SWAP70: variants seen among roughly 807,000 people sequenced by gnomAD.
SWAP70 encodes switching B cell complex subunit SWAP70, also known as switch-associated protein 70.
SWAP70 carries 34 observed loss-of-function variants against 80.2 expected under a neutral mutation model. The ratio of observed to expected loss-of-function variants is 0.42; its 90% CI spans 0.32 to 0.56. The LOEUF (loss-of-function observed/expected upper bound fraction) is 0.56, where lower values mean the gene tolerates loss of function less well. Ranked by LOEUF, SWAP70 falls within the 20% of genes least tolerant of loss-of-function variation. The pLI is 0.09. For missense variants in SWAP70, 578 were observed against 690.7 expected, an observed-to-expected ratio of 0.84 and a Z score of 1.83; for synonymous variants, 239 against 238.5, an observed-to-expected ratio of 1.00 and a Z score of -0.02.
At chr11:9,720,943 G>C (rs906533256) in intron 3 of SWAP70, among the ~76,000 whole-genome samples, 1 of 152,094 alleles carries the variant, frequency 6.6e-6, no homozygotes, top group African/African-American at 2.4e-5. Flanking sequence ...AGCCTCCCGA[G>C]TAGCTAGGAT....
intron 1 of SWAP70, among the ~76,000 whole-genome samples, chr11:9,670,766 T>G (rs7483256): frequency 0.53 from 80,608 of 151,548 alleles, 24,109 homozygotes; most frequent in South Asian, 0.69. Flanking sequence ...TTTATTTATT[T>G]TTTCTGAGGC....
At chr11:9,717,413 C>T (rs143431092) in intron 3 of SWAP70, among the ~76,000 whole-genome samples, 114 of 152,176 alleles carry the variant, frequency 7.5e-4, no homozygotes, top group Middle Eastern at 3.4e-3. Flanking sequence ...GCGGGCAGAT[C>T]GCTTGAGCTC....
At chr11:9,734,037 A>T (rs1332222095) in intron 7 of SWAP70, among the ~76,000 whole-genome samples, 1 of 152,134 alleles carries the variant, frequency 6.6e-6, no homozygotes, top group African/African-American at 2.4e-5. Flanking sequence ...TGGAATGTTT[A>T]CATTATATAC....
intron 1 of SWAP70, among the ~76,000 whole-genome samples, chr11:9,683,884 A>C (rs1590016236): frequency 2.0e-5 from 3 of 152,256 alleles, no homozygotes; most frequent in Admixed American, 2.0e-4. Context: ...ATCCATTTAG[A>C]AAAGCAATTT....
At chr11:9,676,527 T>G (rs1850502842) in intron 1 of SWAP70, among the ~76,000 whole-genome samples, 1 of 152,186 alleles carries the variant, frequency 6.6e-6, no homozygotes, top group Non-Finnish European at 1.5e-5. Flanking sequence ...ATACTTTAAA[T>G]TATCTCTAGA....
chr11:9,703,941 C>A (rs1302754742), intron 2 of SWAP70, among the ~76,000 whole-genome samples: 1 of 152,024 alleles, frequency 6.6e-6, no homozygotes, highest in East Asian at 1.9e-4. Flanking sequence ...ATGAGAAGAG[C>A]CTACCATTTT....
Position 9,750,010 on chromosome 11 carries a change from C to A in SWAP70, c.*40C>A. The A allele has an allele frequency of 7.3e-7, 1 of 1,367,456 alleles. No homozygotes were observed. The highest frequency in any genetic ancestry group is 1.0e-6 in the Non-Finnish European group (1 of 957,814). 84.7% of individuals were successfully genotyped at this position (1,367,456 alleles called of 1,614,324 possible). The stretch of plus-strand genomic sequence containing the variant: ...AGTCACGTCAGTTATGTAGATACTG[C>A]ATGGCAGGAGAGCTTTACGCTAAAG... On this transcript the variant is annotated 3_prime_UTR_variant, in exon 12 of 12. Coordinates refer to ENST00000318950, the MANE Select transcript of SWAP70 (RefSeq NM_015055.4).
intron 6 of SWAP70, among the ~76,000 whole-genome samples, chr11:9,731,452 A>T (rs1441937719): frequency 6.6e-6 from 1 of 152,236 alleles, no homozygotes; most frequent in Non-Finnish European, 1.5e-5. Context: ...TAGAAAATAG[A>T]TAATGACAGA....
At chr11:9,747,818 C>T in intron 9 of SWAP70, 40 bp from the exon 10 acceptor site, 1 of 1,604,522 alleles carries the variant, frequency 6.2e-7, no homozygotes, top group Non-Finnish European at 8.5e-7. Context: ...GGGTGGTGAC[C>T]TGGGCAGGAT....
chr11:9,745,878 TTAAA>T (rs1851505386), intron 9 of SWAP70, among the ~76,000 whole-genome samples: 1 of 152,222 alleles, frequency 6.6e-6, no homozygotes, highest in Non-Finnish European at 1.5e-5. Flanking sequence ...TGAAAGTTTC[TTAAA>T]TAGTTTGCCA....
intron 2 of SWAP70, among the ~76,000 whole-genome samples, chr11:9,702,099 C>A (rs949012703): frequency 6.6e-6 from 1 of 152,126 alleles, no homozygotes. Flanking sequence ...TCCTCCAGAG[C>A]CTAGCAGCCT....
At chr11:9,716,877 C>G (rs1851073346) in intron 3 of SWAP70, among the ~76,000 whole-genome samples, 2 of 152,002 alleles carry the variant, frequency 1.3e-5, no homozygotes, top group Non-Finnish European at 1.5e-5. Flanking sequence ...AACCTTGGGA[C>G]CATTTCTGTA....
intron 2 of SWAP70, among the ~76,000 whole-genome samples, chr11:9,701,689 CTCTTTT>C (rs1446835753): frequency 1.2e-5 from 1 of 86,612 alleles, no homozygotes; most frequent in African/African-American, 3.9e-5. Flanking sequence ...CTTTTGTGGG[CTCTTTT>C]TTTTTTTTTT....
chr11:9,676,130 A>G (rs1850497585), intron 1 of SWAP70, among the ~76,000 whole-genome samples: 1 of 152,226 alleles, frequency 6.6e-6, no homozygotes, highest in African/African-American at 2.4e-5. Context: ...TTAAACTTGT[A>G]TTCATGAATA....
intron 2 of SWAP70, chr11:9,703,349 G>A (rs1422349177): frequency 4.4e-6 from 2 of 456,074 alleles, no homozygotes; most frequent in South Asian, 1.5e-5. Flanking sequence ...GGACATGTGG[G>A]TTGTTCACTT....
chr11:9,706,942 G>A (rs1850923266), intron 2 of SWAP70, among the ~76,000 whole-genome samples: 1 of 151,312 alleles, frequency 6.6e-6, no homozygotes, highest in Admixed American at 6.6e-5. Flanking sequence ...CAGGAAGGAA[G>A]CATTTTTTTT....
intron 2 of SWAP70, among the ~76,000 whole-genome samples, chr11:9,710,912 G>A (rs142354301): frequency 6.5e-4 from 98 of 150,970 alleles, no homozygotes; most frequent in Middle Eastern, 3.5e-3. Flanking sequence ...TCAAACTCCT[G>A]GGCTCAAGGA....
In SWAP70 at chr11:9,729,433, A is replaced by C; in HGVS notation, c.880A>C (p.Lys294Gln). ...AATCAGTGCTTCAGATAAGAAGAAG[A>C]AACAGGAGTGGATTCAAGGTAAGGT... The part of the protein sequence containing the change: ...FEISASDKKK[K>Q]QEWIQAIHST... The change falls in exon 6 of 12, where the codon AAA (lysine) becomes CAA (glutamine). Residue 294 changes from lysine to glutamine, a missense_variant. By Grantham distance (53) the Lys-to-Gln change is moderately conservative. Transcript: ENST00000318950. 6.2e-7 allele frequency: 1 copy of C among 1,609,608 alleles called. No individual in the cohort carries two copies. Among genetic ancestry groups the C allele is most frequent in the Non-Finnish European group, 8.5e-7 (1 of 1,176,366 alleles).
chr11:9,752,611 A>C lies in SWAP70; in HGVS notation c.*2641A>C, dbSNP rs978312229. ...TATTTAAAATGGTTTCACCTGTTAA[A>C]GGGCCAACAGAACTCTTGGTTTTAC... is the stretch of plus-strand genomic sequence containing the variant. On this transcript the variant is annotated 3_prime_UTR_variant, in exon 12 of 12. Coordinates refer to ENST00000318950, the MANE Select transcript of SWAP70 (RefSeq NM_015055.4). The C allele has an allele frequency of 6.6e-6, 1 of 152,260 alleles. No homozygotes were observed. The highest frequency in any genetic ancestry group is 1.9e-4 in the East Asian group (1 of 5,206). 9.4% of individuals were successfully genotyped at this position (152,260 alleles called of 1,614,324 possible). A position where few individuals can be genotyped will look rare whatever the true frequency, so the allele number is the denominator to read the frequency against.
Sources: gnomAD v4.1 joint callset for allele counts (sites outside exome capture counted in the v4.1 genomes callset) on GRCh38, gnomAD v4.1.1 for gene constraint, MANE v1.5 for transcripts, NCBI Gene and HGNC (gene_info 2026-07-23, HGNC 2026-07-21) for gene names.